Variants in UXT observed in about 807,000 individuals in gnomAD.
UXT encodes the protein ubiquitously expressed prefoldin like chaperone, also known as protein UXT.
For synonymous variants in UXT, 54 were observed against 52.8 expected, an observed-to-expected ratio of 1.02 and a Z score of -0.10; for missense variants, 111 against 132.7, an observed-to-expected ratio of 0.84 and a Z score of 0.80.
rs1251648470 is a variant in UXT at position 47,654,372 on chromosome X, A to G, written c.393-2228T>C. On this transcript the variant is annotated intron_variant, in intron 4 of 5. Coordinates refer to ENST00000335890, the MANE Select transcript of UXT (RefSeq NM_153477.3). ...CAGGCGCCTGCCACCGTTCCCGGCT[A>G]ATTTTTTGTATTTTTAGTAGAGACG... Among the ~76,000 whole-genome samples the G allele has an allele frequency of 3.6e-5, 4 of 109,787 alleles. No homozygotes were observed. In the Admixed American group the frequency reaches 3.9e-4, roughly 11 times the overall value.
rs932366446 is a variant in UXT, at chrX:47,658,689, G to A, written c.134+141C>T. ...CCAGCCAAACTGCACCCCGGATGTC[G>A]TCCCCACTTCTCGCTCCAAGGAGCG... On this transcript the variant is annotated intron_variant, in intron 1 of 5. Coordinates refer to ENST00000335890, the MANE Select transcript of UXT (RefSeq NM_153477.3). 6.7e-5 allele frequency: 59 copies of A among 874,741 alleles called. 1 individual carries two copies. The highest frequency in any genetic ancestry group is 8.3e-5 in the Non-Finnish European group (55 of 665,042). 72.1% of individuals were successfully genotyped at this position (874,741 alleles called of 1,213,427 possible). A position where few individuals can be genotyped will look rare whatever the true frequency, so the allele number is the denominator to read the frequency against.
intron 1 of UXT, 92 bp downstream of exon 2, chrX:47,658,738 G>A: frequency 3.8e-6 from 4 of 1,041,608 alleles, no homozygotes; most frequent in African/African-American, 1.9e-5. Context: ...TGAACGCCTC[G>A]CCCGCCAATT....
rs1569341951 is a variant in UXT at position 47,651,946 on chromosome X, C to CT, written c.457-52_457-51insA. ...AACAAAGACTGGGTCTGGGTTACGC[C>CT]CCCAGGCTTGCTCTGACCTCCCTCC... On this transcript the variant is annotated intron_variant, in intron 5 of 5. Transcript: ENST00000335890. 3 of 1,193,701 alleles carry CT rather than the reference C, an allele frequency of 2.5e-6. No homozygotes were observed. In the African/African-American group the frequency reaches 5.3e-5, roughly 21 times the overall value.
chrX:47,652,179 CCCACA>C, intron 4 of UXT, 35 bp from the exon 6 acceptor site: 2 of 1,137,240 alleles, frequency 1.8e-6, no homozygotes, highest in Non-Finnish European at 2.4e-6. Flanking sequence ...CAAAATGGGC[CCCACA>C]TGATTATGAT....
chrX:47,657,680 C>T, intron 2 of UXT, 41 bp from the exon 4 acceptor site: 1 of 1,194,594 alleles, frequency 8.4e-7, no homozygotes, highest in African/African-American at 1.7e-5. Context: ...CAGTGGTGAA[C>T]TCTTAGGTCA....
chrX:47,652,386 G>A (rs1221547508), intron 4 of UXT, among the ~76,000 whole-genome samples: 3 of 111,991 alleles, frequency 2.7e-5, no homozygotes, highest in Non-Finnish European at 5.6e-5. Flanking sequence ...CCGGCCTGAT[G>A]GACTTCAAAT....
intron 4 of UXT, chrX:47,654,189 G>T: frequency 1.9e-5 from 8 of 423,489 alleles, no homozygotes; most frequent in Non-Finnish European, 2.3e-5. Flanking sequence ...AAGGCAGTGT[G>T]AATAGTCATA....
At chrX:47,656,671 C>T (rs902933704) in intron 4 of UXT, among the ~76,000 whole-genome samples, 2 of 111,309 alleles carry the variant, frequency 1.8e-5, no homozygotes, top group Admixed American at 1.9e-4. Flanking sequence ...GCAGAGAGAA[C>T]AGCTACAGCA....
intron 4 of UXT, among the ~76,000 whole-genome samples, chrX:47,654,638 G>T (rs1427722854): frequency 8.9e-6 from 1 of 112,012 alleles, no homozygotes; most frequent in Non-Finnish European, 1.9e-5. Context: ...CTAAGAACAG[G>T]AAGAACTGAC....
chrX:47,654,461 C>T (rs758959825), intron 4 of UXT, among the ~76,000 whole-genome samples: 2 of 111,080 alleles, frequency 1.8e-5, no homozygotes, highest in East Asian at 5.6e-4. Flanking sequence ...CCACCTCGGC[C>T]TCCCAAAGTG....
intron 5 of UXT, 75 bp from the exon 7 acceptor site, chrX:47,651,970 C>T (rs2147948361): frequency 1.7e-6 from 2 of 1,178,558 alleles, no homozygotes; most frequent in Admixed American, 4.5e-5. Flanking sequence ...TGACCTCCCT[C>T]CCTTGACTCC....
chrX:47,656,594 ATT>A (rs1340745693), intron 4 of UXT, among the ~76,000 whole-genome samples: 1 of 111,574 alleles, frequency 9.0e-6, no homozygotes, highest in African/African-American at 3.3e-5. Context: ...AGGAAGTGAC[ATT>A]TAAGCAAGAC....
chrX:47,657,371 C>T, intron 3 of UXT, 81 bp from the exon 5 acceptor site: 1 of 922,075 alleles, frequency 1.1e-6, no homozygotes, highest in Non-Finnish European at 1.5e-6. Context: ...CCCCACCCTT[C>T]CCCAAATTGA....
intron 1 of UXT, 91 bp downstream of exon 2, chrX:47,658,739 C>T: frequency 9.5e-7 from 1 of 1,047,277 alleles, no homozygotes; most frequent in Non-Finnish European, 1.2e-6. Flanking sequence ...GAACGCCTCG[C>T]CCGCCAATTC....
intron 2 of UXT, 41 bp downstream of exon 3, chrX:47,657,741 A>T: frequency 3.4e-6 from 4 of 1,188,847 alleles, no homozygotes; most frequent in Non-Finnish European, 4.5e-6. Flanking sequence ...TCCCTTGCCC[A>T]CACATACCAA....
chrX:47,652,413 A>G lies in UXT; in HGVS notation c.393-269T>C, dbSNP rs373241684. On this transcript the variant is annotated intron_variant, in intron 4 of 5. Coordinates refer to ENST00000335890, the MANE Select transcript of UXT (RefSeq NM_153477.3). ...ACTTCAAATTCTTGTAAAGAAAGAC[A>G]TAACAAAAAACCAATGGAATAAAAG... Among the ~76,000 whole-genome samples the G allele has an allele frequency of 3.5e-5, 4 of 112,704 alleles. No individual in the cohort carries two copies. In the East Asian group the frequency reaches 1.1e-3, roughly 31 times the overall value.
At chrX:47,656,460 T>G (rs2058083927) in intron 4 of UXT, among the ~76,000 whole-genome samples, 1 of 111,675 alleles carries the variant, frequency 9.0e-6, no homozygotes. Context: ...GGAGACAACA[T>G]GAGAAAGAAA....
chrX:47,655,788 A>G (rs1159159066), intron 4 of UXT, among the ~76,000 whole-genome samples: 2 of 111,518 alleles, frequency 1.8e-5, no homozygotes, highest in Admixed American at 9.5e-5. Flanking sequence ...CCCTAGCTAC[A>G]TTTCAAATCC....
At chrX:47,657,665 G>T in intron 2 of UXT, 26 bp from the exon 4 acceptor site, 5 of 1,200,278 alleles carry the variant, frequency 4.2e-6, no homozygotes, top group Non-Finnish European at 5.6e-6. Context: ...AAAAGAGGTA[G>T]GGGTCAGTGG....
Sources: gnomAD v4.1 joint callset for allele counts (sites outside exome capture counted in the v4.1 genomes callset) on GRCh38, gnomAD v4.1.1 for gene constraint, MANE v1.5 for transcripts, NCBI Gene and HGNC (gene_info 2026-07-23, HGNC 2026-07-21) for gene names.